Variants in PTPRD observed in about 807,000 individuals in gnomAD.
PTPRD encodes receptor-type tyrosine-protein phosphatase delta.
Under a neutral mutation model 214.5 loss-of-function variants are expected in PTPRD, and 34 were observed. The ratio of observed to expected loss-of-function variants is 0.16; its 90% CI spans 0.12 to 0.21. PTPRD has a LOEUF of 0.21. Among genes scored for constraint, PTPRD ranks in the 10% least tolerant of loss-of-function variants. The pLI is 1.00. For synonymous variants in PTPRD, 1,128 were observed against 845.7 expected (o/e 1.33, Z -5.79); for missense variants, 2,545 against 2,398.7 (o/e 1.06, Z -1.27).
intron 3 of PTPRD, among the ~76,000 whole-genome samples, chr9:10,263,792 C>T (rs1052844247): frequency 2.0e-5 from 3 of 152,112 alleles, no homozygotes; most frequent in Non-Finnish European, 4.4e-5. Flanking sequence ...GTGAAAACGT[C>T]CCTAGGGCAT....
At chr9:8,485,177 G>C (rs117337760) in intron 29 of PTPRD, 50 bp downstream of exon 29, 2 of 1,485,008 alleles carry the variant, frequency 1.3e-6, no homozygotes, top group Non-Finnish European at 1.9e-6. Flanking sequence ...CAGATAAACT[G>C]TCCCCTCTAC....
intron 2 of PTPRD, among the ~76,000 whole-genome samples, chr9:10,440,332 G>T (rs538085118): frequency 1.6e-4 from 25 of 151,762 alleles, no homozygotes; most frequent in African/African-American, 6.0e-4. Context: ...TTAGTGCTAT[G>T]AATTTTTAAA....
chr9:9,509,259 C>T (rs2096642825), intron 8 of PTPRD, among the ~76,000 whole-genome samples: 1 of 151,520 alleles, frequency 6.6e-6, no homozygotes, highest in Non-Finnish European at 1.5e-5. Flanking sequence ...TTTCTGCACA[C>T]TAAAGGTCAT....
intron 2 of PTPRD, among the ~76,000 whole-genome samples, chr9:10,412,855 C>G (rs952784740): frequency 6.6e-6 from 1 of 151,904 alleles, no homozygotes; most frequent in Middle Eastern, 3.4e-3. Context: ...GAAGTAAAGG[C>G]AAAAGCCACA....
At chr9:9,164,171 G>A (rs939655658) in intron 10 of PTPRD, among the ~76,000 whole-genome samples, 3 of 152,018 alleles carry the variant, frequency 2.0e-5, no homozygotes, top group African/African-American at 7.2e-5. Flanking sequence ...TCTAAAATAG[G>A]CTAGCAGTGC....
intron 4 of PTPRD, among the ~76,000 whole-genome samples, chr9:9,942,164 G>C (rs962271599): frequency 1.3e-5 from 2 of 152,076 alleles, no homozygotes; most frequent in South Asian, 4.1e-4. Flanking sequence ...ATTGGCATCT[G>C]TGTGTCTTTG....
intron 8 of PTPRD, among the ~76,000 whole-genome samples, chr9:9,471,673 T>C (rs963034215): frequency 6.6e-6 from 1 of 152,182 alleles, no homozygotes; most frequent in Non-Finnish European, 1.5e-5. Context: ...TTATAGGAGA[T>C]GTATTGCTCT....
At chr9:10,449,451 C>A (rs528402853) in intron 2 of PTPRD, among the ~76,000 whole-genome samples, 8 of 151,690 alleles carry the variant, frequency 5.3e-5, no homozygotes, top group African/African-American at 1.7e-4. Flanking sequence ...AGCCTCCGCC[C>A]GGCGGCCACC....
At chr9:10,278,563 T>C (rs1217651491) in intron 3 of PTPRD, among the ~76,000 whole-genome samples, 2 of 152,214 alleles carry the variant, frequency 1.3e-5, no homozygotes, top group Non-Finnish European at 2.9e-5. Flanking sequence ...TGTGCCTATG[T>C]GTGTGTGTGT....
intron 3 of PTPRD, among the ~76,000 whole-genome samples, chr9:10,108,704 T>C (rs1275840474): frequency 6.6e-6 from 1 of 152,078 alleles, no homozygotes; most frequent in Admixed American, 6.6e-5. Flanking sequence ...AGTCAAGCTA[T>C]GGAATCAACT....
At chr9:8,969,220 G>A (rs1037160407) in intron 11 of PTPRD, among the ~76,000 whole-genome samples, 2 of 151,954 alleles carry the variant, frequency 1.3e-5, no homozygotes, top group East Asian at 1.9e-4. Context: ...TTAAAAAGCC[G>A]AATCGTGCCA....
intron 3 of PTPRD, among the ~76,000 whole-genome samples, chr9:10,277,311 C>A (rs995628892): frequency 2.0e-5 from 3 of 151,484 alleles, no homozygotes; most frequent in Admixed American, 2.0e-4. Flanking sequence ...CCATCTGGTG[C>A]CTTTATCCCA....
At chr9:10,079,506 T>A (rs563181756) in intron 3 of PTPRD, among the ~76,000 whole-genome samples, 4 of 152,246 alleles carry the variant, frequency 2.6e-5, no homozygotes, top group Admixed American at 6.5e-5. Flanking sequence ...GTTTTTCACA[T>A]GGCTCTTTTT....
At chr9:9,003,104 ACT>A (rs766786225) in intron 11 of PTPRD, among the ~76,000 whole-genome samples, 42 of 152,052 alleles carry the variant, frequency 2.8e-4, no homozygotes, top group South Asian at 1.2e-3. Flanking sequence ...ACGTTAGGTA[ACT>A]CTGTTTGGAT....
At chr9:10,502,560 T>C (rs1303419494) in intron 2 of PTPRD, among the ~76,000 whole-genome samples, 1 of 152,058 alleles carries the variant, frequency 6.6e-6, no homozygotes, top group East Asian at 1.9e-4. Context: ...GCTTTAATAT[T>C]TTTTTGCAAG....
intron 10 of PTPRD, among the ~76,000 whole-genome samples, chr9:9,103,353 GTC>G (rs1468711016): frequency 6.6e-6 from 1 of 151,664 alleles, no homozygotes; most frequent in Non-Finnish European, 1.5e-5. Flanking sequence ...CTTTATAAAT[GTC>G]TCAAGCCAAA....
chr9:9,713,541 T>TAA (rs1440647674), intron 7 of PTPRD, among the ~76,000 whole-genome samples: 1 of 152,168 alleles, frequency 6.6e-6, no homozygotes, highest in Non-Finnish European at 1.5e-5. Context: ...GTTCAAAGCA[T>TAA]AAATGAATAT....
chr9:8,866,967 C>T (rs542614041), intron 11 of PTPRD, among the ~76,000 whole-genome samples: 9 of 152,114 alleles, frequency 5.9e-5, no homozygotes, highest in Admixed American at 2.6e-4. Flanking sequence ...ATGTTATAAG[C>T]GGGGAGTAGA....
chr9:8,433,209 G>A (rs1018001865), intron 35 of PTPRD, among the ~76,000 whole-genome samples: 4 of 152,098 alleles, frequency 2.6e-5, no homozygotes, highest in African/African-American at 9.7e-5. Flanking sequence ...CTGTCGTAAC[G>A]TCCTAGCACA....
Sources: allele counts gnomAD v4.1 joint callset (sites outside exome capture counted in the v4.1 genomes callset), GRCh38; gene constraint gnomAD v4.1.1; transcripts MANE v1.5; gene names NCBI Gene and HGNC (gene_info 2026-07-23, HGNC 2026-07-21).